Variants in RAD9A observed in about 807,000 individuals in gnomAD.
RAD9A encodes cell cycle checkpoint control protein RAD9A.
Under a neutral mutation model 41.2 loss-of-function variants are expected in RAD9A, and 25 were observed. The ratio of observed to expected loss-of-function variants is 0.61; its 90% CI spans 0.44 to 0.85. The LOEUF (loss-of-function observed/expected upper bound fraction) is 0.85. Among genes scored for constraint, RAD9A ranks in the 40% least tolerant of loss-of-function variants. RAD9A has a pLI of 0.00. For synonymous variants in RAD9A, 252 were observed against 210.6 expected, an observed-to-expected ratio of 1.20 and a Z score of -1.70; for missense variants, 514 against 518.3, an observed-to-expected ratio of 0.99 and a Z score of 0.08.
chr11:67,392,184 C>T lies in RAD9A; in HGVS notation c.58C>T (p.Leu20=). The change falls in exon 2 of 11, where the codon CTG becomes TTG. Residue 20 remains leucine (L), a synonymous_variant. Transcript: ENST00000307980. ...VKVLGKAVHS[L]SRIGDELYLE... ...AGTGCTCGGCAAGGCCGTCCACTCCCTGTCCCGCATCGGGGACGAGCTCTA... is the reference window on the plus strand; with the variant it reads ...AGTGCTCGGCAAGGCCGTCCACTCCTTGTCCCGCATCGGGGACGAGCTCTA... 7.2e-7 allele frequency: 1 copy of T among 1,389,014 alleles called. No individual in the cohort carries two copies. Among genetic ancestry groups the T allele is most frequent in the Non-Finnish European group, 9.6e-7 (1 of 1,038,796 alleles). The allele number at this position is 1,389,014 out of a possible 1,614,324, so 86.0% of individuals were successfully genotyped here. A position where few individuals can be genotyped will look rare whatever the true frequency, so the allele number is the denominator to read the frequency against.
chr11:67,392,763 G>A lies in RAD9A; in HGVS notation c.215G>A (p.Arg72His), dbSNP rs377299831. Residue 72 changes from arginine to histidine, a missense_variant, in exon 3 of 11, where the codon CGC becomes CAC. Arg to His is a conservative substitution (Grantham distance 29, BLOSUM62 0). Around this residue, in one of 3 missense-constraint regions of RAD9A, gnomAD observed 268 missense variants for 279.3 expected, o/e 0.96. Coordinates refer to ENST00000307980, the MANE Select transcript of RAD9A (RefSeq NM_004584.3). The stretch of plus-strand genomic sequence containing the variant: ...GCCACCCCTGGTCAGGACCTGCTGC[G>A]CTGTAAGATCCTGATGAAGGTGAGG... ...QAATPGQDLL[R>H]CKILMKSFLS... is the part of the protein sequence containing the mutation. 5.6e-6 allele frequency: 9 copies of A among 1,613,878 alleles called. No homozygotes were observed. Among genetic ancestry groups the A allele is most frequent in the Non-Finnish European group, 7.6e-6 (9 of 1,179,960 alleles).
rs1163270912 is a variant in RAD9A at position 67,395,723 on chromosome 11, G to T, written c.457G>T (p.Gly153Trp). Residue 153 changes from glycine to tryptophan, a missense_variant, in exon 6 of 11, where the codon GGG becomes TGG. Transcript: ENST00000307980. ...GCTCCACCCTGTTCACAGGGTTCTG[G>T]GGGAGGCTGTTCTGCCCTTCTCTCC... ...HMLRAPARVLGEAVLPFSPAL... is the reference protein window; with the variant it reads ...HMLRAPARVLWEAVLPFSPAL... 1.2e-6 allele frequency: 2 copies of T among 1,603,398 alleles called. No individual in the cohort carries two copies. The highest frequency in any genetic ancestry group is 1.3e-5 in the African/African-American group (1 of 74,714).
chr11:67,397,512 C>T lies in RAD9A; in HGVS notation c.1129C>T (p.Gln377Ter). 6.2e-7 allele frequency: 1 copy of T among 1,612,372 alleles called. No homozygotes were observed. The highest frequency in any genetic ancestry group is 8.5e-7 in the Non-Finnish European group (1 of 1,179,110). Residue 377 changes from glutamine to a stop codon, truncating the protein, a stop_gained, in exon 11 of 11, where the codon CAG (glutamine) becomes TAG (stop). Coordinates refer to ENST00000307980, the MANE Select transcript of RAD9A (RefSeq NM_004584.3). LOFTEE classifies it high-confidence loss of function. ...CATCCTGGCCCCTGTACGCTCCCCC[C>T]AGGGCCCCAGCCCTGTGCTGGCGGA... ...GSILAPVRSP[Q>*]GPSPVLAEDS...
At position 67,395,752 on chromosome 11, in the gene RAD9A, A is replaced by T; in HGVS notation, c.486A>T (p.Ala162=). The part of the protein sequence containing the change: ...LGEAVLPFSP[A]LAEVTLGIGR... The stretch of plus-strand genomic sequence containing the variant: ...AGGCTGTTCTGCCCTTCTCTCCTGC[A>T]CTGGCTGAAGTGACGCTGGGCATTG... The change falls in exon 6 of 11, where the codon GCA becomes GCT. Residue 162 remains alanine, a synonymous_variant. Transcript: ENST00000307980. The T allele has an allele frequency of 6.2e-7, 1 of 1,613,010 alleles. No homozygotes were observed. The highest frequency in any genetic ancestry group is 8.5e-7 in the Non-Finnish European group (1 of 1,179,512).
chr11:67,394,639 T>G (rs1023435729), intron 5 of RAD9A, among the ~76,000 whole-genome samples: 1 of 151,956 alleles, frequency 6.6e-6, no homozygotes, highest in African/African-American at 2.4e-5. Flanking sequence ...TTTTTTTTTT[T>G]TGAGACAGAG....
rs752800374 is a variant in RAD9A at position 67,397,587 on chromosome 11, G to A, written c.*28G>A. 2 of 1,547,662 alleles carry A rather than the reference G, an allele frequency of 1.3e-6. No homozygotes were observed. The highest frequency in any genetic ancestry group is 1.8e-6 in the Non-Finnish European group (2 of 1,125,680). On this transcript the variant is annotated 3_prime_UTR_variant, in exon 11 of 11. Coordinates refer to ENST00000307980, the MANE Select transcript of RAD9A (RefSeq NM_004584.3). Reference sequence around the variant, plus strand: ...CAAGAACCTGAAGCCTGTACCCAGAGGCCTTGGACTAGACGAAGCCCCAGC... The same window carrying A: ...CAAGAACCTGAAGCCTGTACCCAGAAGCCTTGGACTAGACGAAGCCCCAGC...
At chr11:67,392,593 A>G in intron 2 of RAD9A, 61 bp from the exon 3 acceptor site, 3 of 1,599,870 alleles carry the variant, frequency 1.9e-6, no homozygotes, top group African/African-American at 1.3e-5. Context: ...AGAAGCAGCC[A>G]GAGGGCTGGG....
rs1295050419 is a variant in RAD9A, at chr11:67,392,191, G to T, written c.65G>T (p.Arg22Leu). ...GGCAAGGCCGTCCACTCCCTGTCCC[G>T]CATCGGGGACGAGCTCTACCTGGAA... is the stretch of plus-strand genomic sequence containing the variant. ...VLGKAVHSLS[R>L]IGDELYLEPL... The change falls in exon 2 of 11, where the codon CGC becomes CTC. Residue 22 changes from arginine to leucine, a missense_variant. Arg to Leu is a moderately radical substitution (Grantham distance 102, BLOSUM62 -2). Transcript: ENST00000307980. 1.4e-6 allele frequency: 2 copies of T among 1,455,500 alleles called. No individual in the cohort carries two copies. The highest frequency in any genetic ancestry group is 2.2e-5 in the South Asian group (2 of 89,144). The allele number at this position is 1,455,500 out of a possible 1,614,324, so 90.2% of individuals were successfully genotyped here.
In RAD9A at chr11:67,397,278, C is replaced by T. The variant is rs750034246; in HGVS notation, c.972C>T (p.Ser324=). Residue 324 remains serine (S), a synonymous_variant, in exon 10 of 11, where the codon TCC becomes TCT. Coordinates refer to ENST00000307980, the MANE Select transcript of RAD9A (RefSeq NM_004584.3). The stretch of plus-strand genomic sequence containing the variant: ...ATGAGGGCTCGCGGGTGCTGCCCTC[C>T]ATTTCCCTTTCACCTGGCCCCCAGC... ...IGNEGSRVLP[S]ISLSPGPQPP... is the part of the protein sequence containing the mutation. The T allele has an allele frequency of 1.2e-6, 2 of 1,608,248 alleles. No individual in the cohort carries two copies. Among genetic ancestry groups the T allele is most frequent in the Non-Finnish European group, 1.7e-6 (2 of 1,175,716 alleles).
At chr11:67,395,003 A>C (rs939129420) in intron 5 of RAD9A, among the ~76,000 whole-genome samples, 3 of 149,226 alleles carry the variant, frequency 2.0e-5, no homozygotes, top group African/African-American at 5.0e-5. Context: ...GCAGTGGTGC[A>C]ATCTTGGCTC....
Position 67,397,363 on chromosome 11 carries a change from C to G in RAD9A, c.1057C>G (p.Pro353Ala), listed in dbSNP as rs1209016224. The G allele has an allele frequency of 6.2e-7, 1 of 1,600,290 alleles. No individual in the cohort carries two copies. Among genetic ancestry groups the G allele is most frequent in the Admixed American group, 1.7e-5 (1 of 58,272 alleles). The change falls in exon 10 of 11, where the codon CCT becomes GCT. Residue 353 changes from proline to alanine, a missense_variant. Around this residue, in one of 3 missense-constraint regions of RAD9A, gnomAD observed 216 missense variants for 184.2 expected, o/e 1.17. Transcript: ENST00000307980. Reference protein sequence around the residue: ...EEDEAEPSTVPGTPPPKKFRS... With the variant: ...EEDEAEPSTVAGTPPPKKFRS... ...AGATGAGGCTGAGCCCAGTACAGTGCCTGGGACTCCCCCACCCAAGAAGGT... is the reference window on the plus strand; with the variant it reads ...AGATGAGGCTGAGCCCAGTACAGTGGCTGGGACTCCCCCACCCAAGAAGGT...
chr11:67,393,279 C>CAA (rs34533285), intron 3 of RAD9A: 11,196 of 996,894 alleles, frequency 0.011, 20 homozygotes, highest in East Asian at 0.046. Context: ...GACTCCATCT[C>CAA]AAAAAAAAAA....
rs757856649 is a variant in RAD9A, at chr11:67,392,062, G to C, written c.18G>C (p.Thr6=). 1 of 1,583,820 alleles carries C rather than the reference G, an allele frequency of 6.3e-7. No homozygotes were observed. The highest frequency in any genetic ancestry group is 8.6e-7 in the Non-Finnish European group (1 of 1,166,892). MKCLV[T]GGNVKVLGKA... ...GGGGCAGCATGAAGTGCCTGGTCACGGGCGGCAACGTGAAGGGTGAGTGCA... is the reference window on the plus strand; with the variant it reads ...GGGGCAGCATGAAGTGCCTGGTCACCGGCGGCAACGTGAAGGGTGAGTGCA... Residue 6 remains threonine (T), a synonymous_variant, in exon 1 of 11, where the codon ACG becomes ACC. Transcript: ENST00000307980.
rs774959445 is a variant in RAD9A at position 67,395,798 on chromosome 11, C to T, written c.532C>T (p.Leu178=). The T allele has an allele frequency of 6.2e-7, 1 of 1,613,866 alleles. No individual in the cohort carries two copies. The highest frequency in any genetic ancestry group is 1.7e-5 in the Admixed American group (1 of 60,020). ...CATTGGCCGTGGCCGCAGGGTCATC[C>T]TGCGCAGCTACCACGAGGAGGAGGC... The part of the protein sequence containing the change: ...LGIGRGRRVI[L]RSYHEEEADS... Residue 178 remains leucine (L), a synonymous_variant, in exon 6 of 11, where the codon CTG becomes TTG. Transcript: ENST00000307980.
chr11:67,395,502 C>T (rs1414590787), intron 5 of RAD9A, among the ~76,000 whole-genome samples: 1 of 152,178 alleles, frequency 6.6e-6, no homozygotes. Flanking sequence ...CCTCTGGGCC[C>T]TCTCCCTGGT....
rs1246430332 is a variant in RAD9A, at chr11:67,395,794, C to T, written c.528C>T (p.Val176=). 22 of 1,613,746 alleles carry T rather than the reference C, an allele frequency of 1.4e-5. 1 individual carries two copies. Among genetic ancestry groups the T allele is most frequent in the South Asian group, 7.7e-5 (7 of 91,082 alleles). ...TGGGCATTGGCCGTGGCCGCAGGGT[C>T]ATCCTGCGCAGCTACCACGAGGAGG... The part of the protein sequence containing the change: ...VTLGIGRGRR[V]ILRSYHEEEA... The change falls in exon 6 of 11, where the codon GTC becomes GTT. Residue 176 remains valine (V), a synonymous_variant. Transcript: ENST00000307980.
Position 67,393,749 on chromosome 11 carries a change from C to T in RAD9A, c.408C>T (p.Phe136=), listed in dbSNP as rs774468192. 1.4e-5 allele frequency: 22 copies of T among 1,612,454 alleles called. No individual in the cohort carries two copies. Among genetic ancestry groups the T allele is most frequent in the African/African-American group, 9.3e-5 (7 of 74,882 alleles). The change falls in exon 5 of 11, where the codon TTC becomes TTT. Residue 136 remains phenylalanine, a synonymous_variant. Coordinates refer to ENST00000307980, the MANE Select transcript of RAD9A (RefSeq NM_004584.3). ...FQDCESLQAV[F]DPASCPHMLR... is the part of the protein sequence containing the mutation. ...ACTGTGAGTCCCTGCAGGCCGTCTTCGACCCAGCCTCGTGCCCCCACATGC... is the reference window on the plus strand; with the variant it reads ...ACTGTGAGTCCCTGCAGGCCGTCTTTGACCCAGCCTCGTGCCCCCACATGC...
In RAD9A at chr11:67,397,292, C is replaced by T. The variant is rs1169079921; in HGVS notation, c.986C>T (p.Pro329Leu). 2 of 1,603,134 alleles carry T rather than the reference C, an allele frequency of 1.2e-6. No individual in the cohort carries two copies. The highest frequency in any genetic ancestry group is 1.1e-5 in the South Asian group (1 of 90,474). The change falls in exon 10 of 11, where the codon CCT becomes CTT. Residue 329 changes from proline (P) to leucine (L), a missense_variant. Transcript: ENST00000307980. The stretch of plus-strand genomic sequence containing the variant: ...GTGCTGCCCTCCATTTCCCTTTCAC[C>T]TGGCCCCCAGCCCCCCAAGAGCCCC... Reference protein sequence around the residue: ...SRVLPSISLSPGPQPPKSPGP... With the variant: ...SRVLPSISLSLGPQPPKSPGP...
At chr11:67,397,078 T>G (rs1862725991) in intron 9 of RAD9A, 101 bp from the exon 10 acceptor site, 5 of 790,408 alleles carry the variant, frequency 6.3e-6, no homozygotes, top group South Asian at 4.7e-5. Flanking sequence ...CCAAGAGATC[T>G]CCAGTGGTCG....
Sources: allele counts gnomAD v4.1 joint callset (sites outside exome capture counted in the v4.1 genomes callset), GRCh38; gene constraint gnomAD v4.1.1; regional missense constraint gnomAD v4.1.1; transcripts MANE v1.5; gene names NCBI Gene and HGNC (gene_info 2026-07-23, HGNC 2026-07-21).